Variants in CHCHD3 observed in about 807,000 individuals in gnomAD.
CHCHD3 encodes the protein MICOS complex subunit MIC19.
In CHCHD3, 20 loss-of-function variants were observed where a neutral mutation model predicts 38.2. The observed-to-expected ratio is 0.52, with a 90% confidence interval of 0.37 to 0.76. The LOEUF is 0.76. Ranked by LOEUF, CHCHD3 falls within the 30% of genes least tolerant of loss-of-function variation. The pLI is 0.00. For synonymous variants in CHCHD3, 82 were observed against 100.0 expected (o/e 0.82, Z 1.07); for missense variants, 245 against 279.2 (o/e 0.88, Z 0.87).
At chr7:132,935,932 A>G (rs1810622752) in intron 4 of CHCHD3, among the ~76,000 whole-genome samples, 1 of 152,136 alleles carries the variant, frequency 6.6e-6, no homozygotes, top group Non-Finnish European at 1.5e-5. Flanking sequence ...TGAGCACACA[A>G]AACAGAGAGA....
intron 5 of CHCHD3, among the ~76,000 whole-genome samples, chr7:132,874,943 A>G (rs924782129): frequency 3.9e-5 from 6 of 152,118 alleles, no homozygotes; most frequent in Non-Finnish European, 7.4e-5. Flanking sequence ...ACATGGTGCA[A>G]AGGGCGGCAA....
intron 5 of CHCHD3, among the ~76,000 whole-genome samples, chr7:132,869,978 A>G (rs192434976): frequency 5.3e-4 from 81 of 152,262 alleles, no homozygotes; most frequent in African/African-American, 1.6e-3. Context: ...TAATTATTGT[A>G]TCTATATTAT....
intron 2 of CHCHD3, among the ~76,000 whole-genome samples, chr7:133,045,016 G>C (rs1562947272): frequency 6.6e-6 from 1 of 152,152 alleles, no homozygotes; most frequent in African/African-American, 2.4e-5. Flanking sequence ...GTGCTCAGTC[G>C]TTTTTTTCCC....
intron 4 of CHCHD3, among the ~76,000 whole-genome samples, chr7:132,896,744 A>G (rs1384948537): frequency 1.3e-5 from 2 of 152,240 alleles, no homozygotes; most frequent in East Asian, 1.9e-4. Flanking sequence ...CTAAAAGACC[A>G]TGGTGAATCA....
At chr7:132,936,291 A>G (rs1431684303) in intron 4 of CHCHD3, among the ~76,000 whole-genome samples, 1 of 152,208 alleles carries the variant, frequency 6.6e-6, no homozygotes, top group Admixed American at 6.6e-5. Context: ...AGGGGATAAG[A>G]TCATTTTCAA....
In CHCHD3 at chr7:132,812,338, T is replaced by C. The variant is rs1337711410; in HGVS notation, c.525-15761A>G. On this transcript the variant is annotated intron_variant, in intron 6 of 7. Coordinates refer to ENST00000262570, the MANE Select transcript of CHCHD3 (RefSeq NM_017812.4). ...GATTCTCCTGCCTCAGCCTCTCCAGTAGCTGGGATTACAGGTGTCCACCAC... is the reference window on the plus strand; with the variant it reads ...GATTCTCCTGCCTCAGCCTCTCCAGCAGCTGGGATTACAGGTGTCCACCAC... Among the ~76,000 whole-genome samples the C allele has an allele frequency of 2.7e-4, 41 of 151,126 alleles. 1 individual carries two copies. Among genetic ancestry groups the C allele is most frequent in the Non-Finnish European group, 5.7e-4 (39 of 67,838 alleles).
At chr7:133,056,839 T>C (rs1027406528) in intron 2 of CHCHD3, among the ~76,000 whole-genome samples, 1 of 152,206 alleles carries the variant, frequency 6.6e-6, no homozygotes. Context: ...TTGGCATTAG[T>C]CTCCCCATTT....
chr7:133,079,479 T>C (rs1166748042), intron 1 of CHCHD3, among the ~76,000 whole-genome samples: 1 of 152,216 alleles, frequency 6.6e-6, no homozygotes, highest in Non-Finnish European at 1.5e-5. Context: ...TCTTAAAACT[T>C]TGCATGTGAA....
chr7:132,830,973 G>A (rs897680589), intron 6 of CHCHD3, among the ~76,000 whole-genome samples: 1 of 152,086 alleles, frequency 6.6e-6, no homozygotes, highest in Non-Finnish European at 1.5e-5. Flanking sequence ...CACTGCAGCT[G>A]CTATATTTCT....
intron 2 of CHCHD3, among the ~76,000 whole-genome samples, chr7:133,041,363 T>C (rs1048375618): frequency 1.3e-4 from 20 of 152,326 alleles, no homozygotes; most frequent in African/African-American, 4.1e-4. Flanking sequence ...AATGACTAAA[T>C]TACCTTTCCT....
At chr7:132,915,970 G>A (rs897109808) in intron 4 of CHCHD3, among the ~76,000 whole-genome samples, 1 of 139,554 alleles carries the variant, frequency 7.2e-6, no homozygotes, top group Admixed American at 7.2e-5. Context: ...TTTTTTTTTT[G>A]GTAAAGCAAA....
intron 2 of CHCHD3, among the ~76,000 whole-genome samples, chr7:133,027,461 A>C: frequency 6.6e-6 from 1 of 150,966 alleles, no homozygotes; most frequent in East Asian, 2.0e-4. Flanking sequence ...GGGGAGAGGA[A>C]GAGGAAAGAA....
chr7:132,878,472 G>GT (rs1477239257), intron 5 of CHCHD3, among the ~76,000 whole-genome samples: 1 of 152,206 alleles, frequency 6.6e-6, no homozygotes, highest in African/African-American at 2.4e-5. Context: ...CTCATTTGAT[G>GT]TAAGCATGAC....
intron 4 of CHCHD3, among the ~76,000 whole-genome samples, chr7:132,938,515 T>C (rs912259175): frequency 5.9e-5 from 9 of 151,982 alleles, no homozygotes; most frequent in African/African-American, 1.9e-4. Flanking sequence ...AAATTTAATT[T>C]TGGAAATCAA....
At chr7:132,797,609 C>T (rs1806653112) in intron 6 of CHCHD3, among the ~76,000 whole-genome samples, 1 of 152,180 alleles carries the variant, frequency 6.6e-6, no homozygotes, top group African/African-American at 2.4e-5. Context: ...AATACATTTA[C>T]TGAATGAATA....
intron 2 of CHCHD3, chr7:133,034,604 T>G (rs577591262): frequency 3.2e-5 from 49 of 1,519,634 alleles, no homozygotes; most frequent in Non-Finnish European, 4.2e-5. Context: ...TGGCAAGAGA[T>G]GTTCACTTGA....
At chr7:132,816,616 C>A (rs1237891127) in intron 6 of CHCHD3, among the ~76,000 whole-genome samples, 1 of 152,188 alleles carries the variant, frequency 6.6e-6, no homozygotes, top group Non-Finnish European at 1.5e-5. Flanking sequence ...GCTTCCCAGG[C>A]ACCATCTTAC....
chr7:132,848,346 C>A (rs934318095), intron 5 of CHCHD3, among the ~76,000 whole-genome samples: 1 of 152,194 alleles, frequency 6.6e-6, no homozygotes, highest in Non-Finnish European at 1.5e-5. Flanking sequence ...GATACATAAT[C>A]AGCTAGATGT....
At chr7:132,787,625 C>T (rs558913125) in intron 7 of CHCHD3, among the ~76,000 whole-genome samples, 6 of 152,112 alleles carry the variant, frequency 3.9e-5, no homozygotes, top group African/African-American at 1.4e-4. Flanking sequence ...GGTCTCTAGA[C>T]ACAACAATTT....
Sources: gnomAD v4.1 joint callset for allele counts (sites outside exome capture counted in the v4.1 genomes callset) on GRCh38, gnomAD v4.1.1 for gene constraint, MANE v1.5 for transcripts, NCBI Gene and HGNC (gene_info 2026-07-23, HGNC 2026-07-21) for gene names.